The following KCNIP1 variants were observed in gnomAD, a reference collection of about 807,000 sequenced individuals.
The protein encoded by KCNIP1 is A-type potassium channel modulatory protein KCNIP1.
In KCNIP1, 18 loss-of-function variants were observed where a neutral mutation model predicts 33.0. The ratio of observed to expected loss-of-function variants is 0.55; its 90% confidence interval spans 0.38 to 0.81. KCNIP1 has a LOEUF of 0.81. Among genes scored for constraint, KCNIP1 ranks in the 30% least tolerant of loss-of-function variants. KCNIP1 has a pLI of 0.00. For synonymous variants in KCNIP1, 93 were observed against 98.3 expected, an observed-to-expected ratio of 0.95 and a Z score of 0.32; for missense variants, 238 against 271.6, an observed-to-expected ratio of 0.88 and a Z score of 0.87.
Position 170,572,296 on chromosome 5 carries a change from A to G in KCNIP1, c.61+67663A>G, listed in dbSNP as rs141952654. On this transcript the variant is annotated intron_variant, in intron 1 of 7. Coordinates refer to ENST00000328939, the MANE Select transcript of KCNIP1 (RefSeq NM_014592.4). ...CAAGCCAAATGCAACATCTGCTGAG[A>G]GGTTTTGGTTCTTGGATTGCAACCT... 2.0e-3 allele frequency among the ~76,000 whole-genome samples: 310 copies of G among 152,314 alleles called. 2 individuals are homozygous for G. The highest frequency in any genetic ancestry group is 7.0e-3 in the African/African-American group (293 of 41,574).
At chr5:170,369,211 ACTTT>A (rs1236662591) in intron 1 of KCNIP1, among the ~76,000 whole-genome samples, 2 of 152,362 alleles carry the variant, frequency 1.3e-5, no homozygotes, top group African/African-American at 4.8e-5. Flanking sequence ...CAAGGTACTT[ACTTT>A]CTAAGACTCA....
intron 1 of KCNIP1, among the ~76,000 whole-genome samples, chr5:170,384,500 G>A (rs1764385094): frequency 6.6e-6 from 1 of 152,240 alleles, no homozygotes; most frequent in African/African-American, 2.4e-5. Context: ...GTTGTGAAGA[G>A]TGAGGCTGCA....
chr5:170,458,814 A>G, intron 1 of KCNIP1, among the ~76,000 whole-genome samples: 1 of 152,208 alleles, frequency 6.6e-6, no homozygotes, highest in Non-Finnish European at 1.5e-5. Context: ...AAAACAAGGT[A>G]TACGGACAAC....
intron 1 of KCNIP1, chr5:170,354,047 A>T (rs1763281895): frequency 1.6e-6 from 2 of 1,246,494 alleles, no homozygotes; most frequent in Non-Finnish European, 2.3e-6. Context: ...GAGCGTGACC[A>T]TTCTGGTGCA....
intron 1 of KCNIP1, among the ~76,000 whole-genome samples, chr5:170,409,906 C>A: frequency 6.6e-6 from 1 of 152,226 alleles, no homozygotes; most frequent in East Asian, 1.9e-4. Context: ...GAACTTAGAT[C>A]AGTGCCTAAA....
intron 1 of KCNIP1, among the ~76,000 whole-genome samples, chr5:170,678,093 A>G (rs1252761433): frequency 6.6e-6 from 1 of 152,226 alleles, no homozygotes; most frequent in African/African-American, 2.4e-5. Flanking sequence ...TTCAATAAAG[A>G]TTTCAAAGCT....
intron 1 of KCNIP1, among the ~76,000 whole-genome samples, chr5:170,407,345 A>T (rs1352005796): frequency 6.6e-6 from 1 of 152,252 alleles, no homozygotes; most frequent in Admixed American, 6.5e-5. Context: ...TGGGAGAAAC[A>T]TTTATAGATC....
chr5:170,411,310 A>C (rs1182497585), intron 1 of KCNIP1, among the ~76,000 whole-genome samples: 2 of 152,244 alleles, frequency 1.3e-5, no homozygotes, highest in Non-Finnish European at 2.9e-5. Context: ...AGGTTCAAAG[A>C]TATGAGGGGA....
At chr5:170,627,081 G>GC (rs1447488178) in intron 1 of KCNIP1, among the ~76,000 whole-genome samples, 2 of 152,106 alleles carry the variant, frequency 1.3e-5, no homozygotes, top group Non-Finnish European at 2.9e-5. Context: ...GCCAGTGGGG[G>GC]CCGTGGCTCT....
intron 2 of KCNIP1, among the ~76,000 whole-genome samples, chr5:170,719,468 G>A (rs1763743943): frequency 6.6e-6 from 1 of 152,204 alleles, no homozygotes; most frequent in Non-Finnish European, 1.5e-5. Context: ...AGGCCAGTTT[G>A]AGAGCTCTCA....
intron 2 of KCNIP1, among the ~76,000 whole-genome samples, chr5:170,720,021 A>T (rs554244347): frequency 6.6e-6 from 1 of 152,328 alleles, no homozygotes; most frequent in Admixed American, 6.5e-5. Context: ...GATATTGAGG[A>T]TCAGAGACTG....
intron 1 of KCNIP1, among the ~76,000 whole-genome samples, chr5:170,413,655 T>C (rs1039982147): frequency 3.3e-5 from 5 of 152,156 alleles, no homozygotes; most frequent in African/African-American, 1.2e-4. Context: ...GACATGACTT[T>C]TACACATAAA....
chr5:170,653,831 G>A (rs1466422313), intron 1 of KCNIP1, among the ~76,000 whole-genome samples: 4 of 151,946 alleles, frequency 2.6e-5, no homozygotes, highest in African/African-American at 9.7e-5. Context: ...GATGCCCTTA[G>A]CTCCAGCCTT....
intron 1 of KCNIP1, among the ~76,000 whole-genome samples, chr5:170,370,857 G>A (rs1271657499): frequency 6.6e-6 from 1 of 152,220 alleles, no homozygotes; most frequent in Non-Finnish European, 1.5e-5. Flanking sequence ...ACAACAGAGG[G>A]GAATGAGGGA....
chr5:170,468,002 G>A (rs1370917395), intron 1 of KCNIP1, among the ~76,000 whole-genome samples: 4 of 149,636 alleles, frequency 2.7e-5, no homozygotes, highest in African/African-American at 7.4e-5. Context: ...TTTGTGCTTT[G>A]AAATAAGCTA....
intron 1 of KCNIP1, chr5:170,486,394 G>A: frequency 6.6e-6 from 1 of 152,374 alleles, no homozygotes; most frequent in Non-Finnish European, 1.5e-5. Flanking sequence ...CACCCAACTG[G>A]CAGAAATTTC....
intron 1 of KCNIP1, among the ~76,000 whole-genome samples, chr5:170,633,042 C>T (rs1760121147): frequency 6.6e-6 from 1 of 152,186 alleles, no homozygotes; most frequent in Admixed American, 6.5e-5. Flanking sequence ...AGGAAACATC[C>T]GCTTTGGTGG....
In KCNIP1 at chr5:170,426,249, A is replaced by ACACACACC. The variant is rs1328830360; in HGVS notation, c.88+72292_88+72293insCCACACAC. Among the ~76,000 whole-genome samples the ACACACACC allele has an allele frequency of 2.7e-5, 4 of 149,228 alleles. No homozygotes were observed. In the East Asian group the frequency reaches 7.9e-4, roughly 29 times the overall value. On this transcript the variant is annotated intron_variant, in intron 1 of 7. Coordinates refer to the KCNIP1 transcript ENST00000377360. ...AATGCTTTGTGACTCAAAAGGAATCACACACACACACACACACACACACAA... is the reference window on the plus strand; with the variant it reads ...AATGCTTTGTGACTCAAAAGGAATCACACACACCCACACACACACACACACACACACAA...
intron 1 of KCNIP1, among the ~76,000 whole-genome samples, chr5:170,661,163 A>T (rs1251229465): frequency 6.6e-6 from 1 of 152,166 alleles, no homozygotes; most frequent in Non-Finnish European, 1.5e-5. Context: ...GGCTGATGGC[A>T]TGGGTCTGGA....
Sources: gnomAD v4.1 joint callset for allele counts (sites outside exome capture counted in the v4.1 genomes callset) on GRCh38, gnomAD v4.1.1 for gene constraint, MANE v1.5 for transcripts, NCBI Gene and HGNC (gene_info 2026-07-23, HGNC 2026-07-21) for gene names.